The following OCIAD1 variants were observed in gnomAD, a reference collection of about 807,000 sequenced individuals.
OCIAD1 encodes the protein OCIA domain containing 1.
A neutral mutation model predicts 38.9 loss-of-function variants in OCIAD1; 29 were observed. That is an observed-to-expected ratio of 0.74 (90% confidence interval 0.55 to 1.02). OCIAD1 has a LOEUF of 1.02. Ranked by LOEUF, OCIAD1 falls within the 50% of genes least tolerant of loss-of-function variation. OCIAD1 has a pLI of 0.00. For missense variants in OCIAD1, 288 were observed against 289.6 expected (o/e 0.99, Z 0.04); for synonymous variants, 110 against 92.0 (o/e 1.20, Z -1.12).
At chr4:48,859,600 A>G (rs1780421272) in intron 8 of OCIAD1, among the ~76,000 whole-genome samples, 1 of 152,178 alleles carries the variant, frequency 6.6e-6, no homozygotes, top group African/African-American at 2.4e-5. Flanking sequence ...GTTCTGTTAC[A>G]TGACACAAGA....
intron 8 of OCIAD1, among the ~76,000 whole-genome samples, 195 bp from the exon 9 acceptor site, chr4:48,860,530 C>T (rs1204869822): frequency 6.6e-6 from 1 of 152,086 alleles, no homozygotes; most frequent in Admixed American, 6.5e-5. Flanking sequence ...ATGTAAAATT[C>T]TAGATACAAT....
rs776717568 is a variant in OCIAD1, at chr4:48,860,680, CT to C, written c.701-43del. ...AACAAACTTAAAATAATGTCTTTTA[CT>C]TATTATTGCTTGGAATCATCAATTA... On this transcript the variant is annotated intron_variant, in intron 8 of 8. Transcript: ENST00000264312. The C allele has an allele frequency of 3.0e-6, 4 of 1,344,856 alleles. No individual in the cohort carries two copies. The South Asian group carries it at 4.7e-5, about 16-fold the overall frequency. The allele number at this position is 1,344,856 out of a possible 1,614,324, so 83.3% of individuals were successfully genotyped here.
intron 1 of OCIAD1, among the ~76,000 whole-genome samples, chr4:48,807,844 T>G (rs918828426): frequency 6.6e-6 from 1 of 152,138 alleles, no homozygotes; most frequent in Non-Finnish European, 1.5e-5. Context: ...TTTCCCAGGG[T>G]TCATTTCACT....
intron 3 of OCIAD1, among the ~76,000 whole-genome samples, chr4:48,836,982 T>TTTTTTTTGAGACGGAGTC (rs1778043956): frequency 6.6e-6 from 1 of 152,100 alleles, no homozygotes; most frequent in Admixed American, 6.5e-5. Flanking sequence ...ATTTCTTTCT[T>TTTTTTTTGAGACGGAGTC]TTTTTTTGAG....
chr4:48,860,651 T>C (rs1780520614), intron 8 of OCIAD1, 74 bp from the exon 9 acceptor site: 1 of 1,106,440 alleles, frequency 9.0e-7, no homozygotes, highest in Non-Finnish European at 1.4e-6. Flanking sequence ...CTTTTCATCA[T>C]AGCAACAAAC....
At chr4:48,850,103 T>C in intron 6 of OCIAD1, 21 bp downstream of exon 6, 1 of 1,603,418 alleles carries the variant, frequency 6.2e-7, no homozygotes, top group Non-Finnish European at 8.5e-7. Context: ...TTCTGATCTT[T>C]ACTTAAGATT....
chr4:48,859,032 A>G (rs1780355142), intron 8 of OCIAD1, among the ~76,000 whole-genome samples: 1 of 152,218 alleles, frequency 6.6e-6, no homozygotes, highest in Non-Finnish European at 1.5e-5. Context: ...AAAAATGGAA[A>G]TAATAGGTCT....
At chr4:48,810,898 T>TTTC (rs1777083570) in intron 1 of OCIAD1, among the ~76,000 whole-genome samples, 1 of 145,898 alleles carries the variant, frequency 6.9e-6, no homozygotes, top group African/African-American at 2.5e-5. Flanking sequence ...TTCTTTCTTT[T>TTTC]TTTTTTTTTT....
At chr4:48,825,280 G>T (rs1406663169) in intron 1 of OCIAD1, among the ~76,000 whole-genome samples, 1 of 152,084 alleles carries the variant, frequency 6.6e-6, no homozygotes, top group Non-Finnish European at 1.5e-5. Flanking sequence ...CTGCACCTTG[G>T]GATTCCTGCC....
At chr4:48,824,366 T>G (rs1777227380) in intron 1 of OCIAD1, among the ~76,000 whole-genome samples, 1 of 151,994 alleles carries the variant, frequency 6.6e-6, no homozygotes. Flanking sequence ...TCAAAGACTC[T>G]AAAACTGTTT....
At chr4:48,817,490 A>G (rs1483252832) in intron 1 of OCIAD1, among the ~76,000 whole-genome samples, 1 of 152,160 alleles carries the variant, frequency 6.6e-6, no homozygotes, top group Non-Finnish European at 1.5e-5. Flanking sequence ...TCAAGCACAA[A>G]ACTGGGGGGC....
chr4:48,825,423 G>A (rs946660887), intron 1 of OCIAD1, among the ~76,000 whole-genome samples: 1 of 152,196 alleles, frequency 6.6e-6, no homozygotes, highest in Non-Finnish European at 1.5e-5. Flanking sequence ...AGCCCCATAG[G>A]CCCCTTGCCC....
chr4:48,856,142 A>G (rs1370830952), intron 7 of OCIAD1: 2 of 151,818 alleles, frequency 1.3e-5, no homozygotes, highest in African/African-American at 2.4e-5. Flanking sequence ...TATGTTCACT[A>G]TTTGATCCTG....
chr4:48,805,893 T>C (rs1437044622), intron 1 of OCIAD1, among the ~76,000 whole-genome samples: 1 of 152,238 alleles, frequency 6.6e-6, no homozygotes, highest in Admixed American at 6.5e-5. Context: ...ATTCATACTC[T>C]GTTTTCTAAA....
intron 7 of OCIAD1, chr4:48,856,415 G>A (rs1780051239): frequency 6.6e-6 from 1 of 151,982 alleles, no homozygotes; most frequent in Non-Finnish European, 1.5e-5. Flanking sequence ...TTGAGACAGA[G>A]TTTTGCTCTT....
intron 1 of OCIAD1, among the ~76,000 whole-genome samples, chr4:48,832,393 A>T (rs1420068330): frequency 2.6e-5 from 4 of 152,220 alleles, no homozygotes; most frequent in Non-Finnish European, 4.4e-5. Context: ...ATGCTTTTTC[A>T]ATTAAGGGAC....
chr4:48,851,721 C>A (rs2109592272), intron 6 of OCIAD1, 85 bp from the exon 7 acceptor site: 2 of 673,582 alleles, frequency 3.0e-6, no homozygotes, highest in Non-Finnish European at 2.4e-6. Flanking sequence ...TGGAAATAAG[C>A]TATATGAAAG....
intron 3 of OCIAD1, among the ~76,000 whole-genome samples, chr4:48,833,970 A>T (rs1334363482): frequency 6.6e-6 from 1 of 152,124 alleles, no homozygotes; most frequent in African/African-American, 2.4e-5. Context: ...AAATGTTGTT[A>T]TACTACCAGC....
Position 48,832,666 on chromosome 4 carries a change from TCCAAGACC to T in OCIAD1, c.43_50del (p.Pro15AsnfsTer7). ...ATTTTCGAGAGCCGAATGCAGAGGT[TCCAAGACC>T]AATTCCCCGTAACTATCTATTAAGT... On this transcript the variant is annotated frameshift_variant, in exon 2 of 9. Coordinates refer to ENST00000264312, the MANE Select transcript of OCIAD1 (RefSeq NM_017830.4). LOFTEE classifies it high-confidence loss of function. The T allele has an allele frequency of 6.2e-7, 1 of 1,612,706 alleles. No homozygotes were observed. Among genetic ancestry groups the T allele is most frequent in the Non-Finnish European group, 8.5e-7 (1 of 1,178,690 alleles).
Sources: gnomAD v4.1 joint callset for allele counts (sites outside exome capture counted in the v4.1 genomes callset) on GRCh38, gnomAD v4.1.1 for gene constraint, MANE v1.5 for transcripts, NCBI Gene and HGNC (gene_info 2026-07-23, HGNC 2026-07-21) for gene names.